Variants in MYT1L observed in about 807,000 individuals in gnomAD.
MYT1L encodes myelin transcription factor 1-like protein.
A neutral mutation model predicts 126.7 loss-of-function variants in MYT1L; 12 were observed. That is an observed-to-expected ratio of 0.09 (90% confidence interval 0.06 to 0.15). The LOEUF is 0.15. MYT1L is among the 10% of genes least tolerant of loss of function. The pLI, the probability that MYT1L is intolerant of heterozygous loss-of-function variation, is 1.00. For missense variants in MYT1L, 979 were observed against 1,585.2 expected (o/e 0.62, Z 6.49); for synonymous variants, 541 against 604.2 (o/e 0.90, Z 1.53).
intron 1 of MYT1L, among the ~76,000 whole-genome samples, chr2:2,312,841 G>A (rs1368424255): frequency 1.3e-5 from 2 of 152,032 alleles, no homozygotes; most frequent in Non-Finnish European, 2.9e-5. Flanking sequence ...CTGGGGTGTG[G>A]AGAAATGGGA....
chr2:1,958,316 C>T (rs1420354090), intron 8 of MYT1L, among the ~76,000 whole-genome samples: 1 of 151,632 alleles, frequency 6.6e-6, no homozygotes, highest in Non-Finnish European at 1.5e-5. Context: ...GCAGATGGAA[C>T]CCAGAGAACC....
chr2:2,200,506 C>T (rs924061086), intron 2 of MYT1L, among the ~76,000 whole-genome samples: 1 of 152,166 alleles, frequency 6.6e-6, no homozygotes, highest in Non-Finnish European at 1.5e-5. Context: ...GCTGTGATGC[C>T]CTTGGGCCTG....
At chr2:2,148,080 C>A (rs376899334) in intron 3 of MYT1L, among the ~76,000 whole-genome samples, 1 of 152,150 alleles carries the variant, frequency 6.6e-6, no homozygotes. Context: ...CAGGATCACA[C>A]CTCTCATCCT....
intron 4 of MYT1L, among the ~76,000 whole-genome samples, chr2:1,997,835 TCTC>T (rs1258693175): frequency 1.3e-5 from 2 of 152,168 alleles, no homozygotes; most frequent in East Asian, 3.8e-4. Context: ...ACCAGCCTAG[TCTC>T]CTTAAAATTC....
intron 1 of MYT1L, among the ~76,000 whole-genome samples, chr2:2,327,953 T>C (rs1184711963): frequency 6.6e-6 from 1 of 152,186 alleles, no homozygotes; most frequent in South Asian, 2.1e-4. Flanking sequence ...AAATAATGTC[T>C]CTCCCTCAAA....
rs1336199395 is a variant in MYT1L, at chr2:1,979,503, T to C, written c.89+18A>G. On this transcript the variant is annotated intron_variant, in intron 7 of 24. Transcript: ENST00000647738. This position sits in a 1 kb window ranked among gnomAD's most constrained non-coding sequence, Gnocchi z 4.0. ...CCAAACTGTTAATGGGGATGCATTT[T>C]ACCCACATGGCACTAACCTGAACAG... 1 of 1,611,944 alleles carries C rather than the reference T, an allele frequency of 6.2e-7. No homozygotes were observed. Among genetic ancestry groups the C allele is most frequent in the South Asian group, 1.1e-5 (1 of 91,028 alleles).
At chr2:2,099,343 TG>T (rs1482277153) in intron 3 of MYT1L, among the ~76,000 whole-genome samples, 3 of 150,986 alleles carry the variant, frequency 2.0e-5, no homozygotes, top group South Asian at 2.1e-4. Flanking sequence ...AAATGTCATT[TG>T]TTTTTTTTTT....
At chr2:1,908,381 T>G (rs2163706) in intron 13 of MYT1L, among the ~76,000 whole-genome samples, 70,561 of 151,532 alleles carry the variant, frequency 0.47, 18,294 homozygotes, top group African/African-American at 0.7. Context: ...TCGTAGGTGG[T>G]CAGTGCAGCC....
rs1269617877 is a variant in MYT1L at position 2,241,394 on chromosome 2, A to G, written c.-421+43010T>C. Among the ~76,000 whole-genome samples the G allele has an allele frequency of 2.0e-5, 3 of 151,902 alleles. No homozygotes were observed. In the South Asian group the frequency reaches 6.2e-4, roughly 32 times the overall value. ...TGAATTTGCCTTTCTCGTTTCTATG[A>G]CCCCAGCATGGCAAACGCTCCTCTC... On this transcript the variant is annotated intron_variant, in intron 2 of 24. Coordinates refer to ENST00000647738, the MANE Select transcript of MYT1L (RefSeq NM_001303052.2).
At chr2:1,873,819 CA>C (rs2148727564) in intron 18 of MYT1L, among the ~76,000 whole-genome samples, 1 of 152,204 alleles carries the variant, frequency 6.6e-6, no homozygotes, top group South Asian at 2.1e-4. Context: ...TGAGAGTAGA[CA>C]AGTTCTAAAG....
intron 2 of MYT1L, among the ~76,000 whole-genome samples, chr2:2,245,249 C>T (rs1325472204): frequency 1.3e-5 from 2 of 152,044 alleles, no homozygotes; most frequent in African/African-American, 4.8e-5. Flanking sequence ...TAACGACCTT[C>T]GGCAGGCTCC....
chr2:2,177,006 C>T (rs1425184394), intron 2 of MYT1L, among the ~76,000 whole-genome samples: 2 of 152,198 alleles, frequency 1.3e-5, no homozygotes, highest in African/African-American at 4.8e-5. Flanking sequence ...ACAAAACTAA[C>T]ACTGAAGTGG....
intron 21 of MYT1L, among the ~76,000 whole-genome samples, chr2:1,829,076 C>T (rs1455008377): frequency 6.6e-6 from 1 of 152,114 alleles, no homozygotes; most frequent in East Asian, 1.9e-4. Context: ...CCTCTTCTGC[C>T]CCATCCTCCC....
chr2:1,891,379 G>T (rs974508162), intron 15 of MYT1L, among the ~76,000 whole-genome samples: 2 of 152,112 alleles, frequency 1.3e-5, no homozygotes, highest in Non-Finnish European at 2.9e-5. Context: ...TGGTGGCCTC[G>T]GCGAGGCAGC....
At chr2:2,138,497 T>G (rs1575429897) in intron 3 of MYT1L, among the ~76,000 whole-genome samples, 1 of 145,380 alleles carries the variant, frequency 6.9e-6, no homozygotes, top group Non-Finnish European at 1.5e-5. Flanking sequence ...ATATACACCA[T>G]GGAATACTAT....
In MYT1L at chr2:2,255,655, G is replaced by A. The variant is rs151177259; in HGVS notation, c.-421+28749C>T. 8.6e-4 allele frequency among the ~76,000 whole-genome samples: 131 copies of A among 152,246 alleles called. 1 individual carries two copies. In the Middle Eastern group the frequency reaches 0.017, roughly 20 times the overall value. ...ACATTTACAGAATGAAGGCTGGGCCGTCATCCTGTTTTTAGCTATTTGTCG... is the reference window on the plus strand; with the variant it reads ...ACATTTACAGAATGAAGGCTGGGCCATCATCCTGTTTTTAGCTATTTGTCG... On this transcript the variant is annotated intron_variant, in intron 2 of 24. Transcript: ENST00000647738.
At chr2:1,837,879 TTCTC>T (rs759148940) in intron 21 of MYT1L, among the ~76,000 whole-genome samples, 25 of 146,070 alleles carry the variant, frequency 1.7e-4, no homozygotes, top group South Asian at 4.3e-4. Flanking sequence ...GACATTCAAT[TTCTC>T]TCTCTCTTTT....
intron 3 of MYT1L, among the ~76,000 whole-genome samples, chr2:2,159,958 C>G (rs1187449048): frequency 6.6e-6 from 1 of 152,256 alleles, no homozygotes; most frequent in South Asian, 2.1e-4. Flanking sequence ...AGGCTGGACA[C>G]CCTGCGATAG....
intron 3 of MYT1L, among the ~76,000 whole-genome samples, chr2:2,132,341 G>A (rs1271552870): frequency 8.5e-5 from 13 of 152,148 alleles, no homozygotes; most frequent in Non-Finnish European, 1.2e-4. Flanking sequence ...ATGTTCATCA[G>A]TGATAGACTG....
Sources: gnomAD v4.1 joint callset for allele counts (sites outside exome capture counted in the v4.1 genomes callset) on GRCh38, gnomAD v4.1.1 for gene constraint, Gnocchi (gnomAD v3.1) non-coding constraint, MANE v1.5 for transcripts, NCBI Gene and HGNC (gene_info 2026-07-23, HGNC 2026-07-21) for gene names.